MRPL1: variants seen among roughly 807,000 people sequenced by gnomAD.
MRPL1 encodes large ribosomal subunit protein uL1m.
Under a neutral mutation model 38.0 loss-of-function variants are expected in MRPL1, and 28 were observed. The ratio of observed to expected loss-of-function variants is 0.74; its 90% confidence interval spans 0.55 to 1.01. MRPL1 has a LOEUF of 1.01. Ranked by LOEUF, MRPL1 falls within the 50% of genes least tolerant of loss-of-function variation. MRPL1 has a pLI of 0.00. For synonymous variants in MRPL1, 123 were observed against 126.7 expected (o/e 0.97, Z 0.20); for missense variants, 358 against 389.8 (o/e 0.92, Z 0.69).
At chr4:77,934,888 C>T (rs1736929975) in intron 7 of MRPL1, among the ~76,000 whole-genome samples, 1 of 152,132 alleles carries the variant, frequency 6.6e-6, no homozygotes. Flanking sequence ...CATGCATGAA[C>T]CTTGAGAACA....
At chr4:77,909,681 G>A (rs1440815743) in intron 7 of MRPL1, among the ~76,000 whole-genome samples, 1 of 152,048 alleles carries the variant, frequency 6.6e-6, no homozygotes, top group Admixed American at 6.6e-5. Context: ...TTGAGAATAG[G>A]GTTTAGATTT....
rs746071926 is a variant in MRPL1, at chr4:77,952,574, A to G, written c.945A>G (p.Val315=). 5.6e-6 allele frequency: 9 copies of G among 1,611,602 alleles called. No homozygotes were observed. In the South Asian group the frequency reaches 6.6e-5, roughly 12 times the overall value. ...TTGATCCATTGTTGCCTAAAGAAGT[A>G]AAAAATGAAGAAAGTGAAAAAGAAG... is the stretch of plus-strand genomic sequence containing the variant. The part of the protein sequence containing the change: ...LKIDPLLPKE[V]KNEESEKEDA The change falls in exon 9 of 9, where the codon GTA becomes GTG. Residue 315 remains valine, a synonymous_variant. Transcript: ENST00000315567.
At chr4:77,877,739 T>C (rs1351704521) in intron 2 of MRPL1, among the ~76,000 whole-genome samples, 2 of 151,920 alleles carry the variant, frequency 1.3e-5, no homozygotes, top group African/African-American at 4.8e-5. Context: ...GGAAGTTTCC[T>C]AGCCCTTCCC....
intron 4 of MRPL1, among the ~76,000 whole-genome samples, chr4:77,886,084 A>G (rs1735669347): frequency 6.6e-6 from 1 of 152,218 alleles, no homozygotes; most frequent in Non-Finnish European, 1.5e-5. Context: ...GTTTGTTTAT[A>G]ATGTGTTTAT....
At chr4:77,922,255 T>G (rs1276261662) in intron 7 of MRPL1, among the ~76,000 whole-genome samples, 1 of 152,162 alleles carries the variant, frequency 6.6e-6, no homozygotes, top group Non-Finnish European at 1.5e-5. Flanking sequence ...TGAATCATGA[T>G]CCAAAGAAAG....
chr4:77,888,330 C>T (rs1203538605), intron 5 of MRPL1, among the ~76,000 whole-genome samples: 1 of 152,044 alleles, frequency 6.6e-6, no homozygotes, highest in African/African-American at 2.4e-5. Flanking sequence ...CACGGTGAAT[C>T]CCCACCTCTA....
intron 6 of MRPL1, among the ~76,000 whole-genome samples, chr4:77,895,459 A>T (rs4607246): frequency 0.22 from 33,824 of 151,966 alleles, 4,720 homozygotes; most frequent in African/African-American, 0.39. Context: ...AGGGAGTACA[A>T]TTGGGAGGAA....
At chr4:77,883,529 C>G in intron 3 of MRPL1, 29 bp downstream of exon 3, 1 of 1,542,668 alleles carries the variant, frequency 6.5e-7, no homozygotes, top group South Asian at 1.3e-5. Context: ...AATAAGTTTA[C>G]CTGTGAACAG....
intron 6 of MRPL1, among the ~76,000 whole-genome samples, chr4:77,907,500 G>GTC (rs34172391): frequency 7.7e-6 from 1 of 129,512 alleles, no homozygotes; most frequent in South Asian, 2.8e-4. Flanking sequence ...CCCTCCCTCC[G>GTC]TCTCTCTCTC....
chr4:77,886,109 C>T (rs1450171602), intron 4 of MRPL1, among the ~76,000 whole-genome samples: 1 of 151,978 alleles, frequency 6.6e-6, no homozygotes, highest in Non-Finnish European at 1.5e-5. Flanking sequence ...TTTTTTTAAT[C>T]ATCCACAAAC....
rs184788584 is a variant in MRPL1, at chr4:77,935,402, T to C, written c.778-14395T>C. 1.1e-3 allele frequency among the ~76,000 whole-genome samples: 174 copies of C among 152,296 alleles called. 1 individual carries two copies. Among genetic ancestry groups the C allele is most frequent in the African/African-American group, 4.1e-3 (172 of 41,570 alleles). On this transcript the variant is annotated intron_variant, in intron 7 of 8. Transcript: ENST00000315567. ...ATCAACAGTGAAAATAATTCTTTTT[T>C]TTTTCTTTTTGAGACGGAGTCTCGC...
chr4:77,921,305 G>A (rs1312516629), intron 7 of MRPL1, among the ~76,000 whole-genome samples: 1 of 152,134 alleles, frequency 6.6e-6, no homozygotes, highest in Middle Eastern at 3.2e-3. Flanking sequence ...TCACTTTCTA[G>A]TTAGGGTATA....
At chr4:77,942,412 T>G (rs190399220) in intron 7 of MRPL1, among the ~76,000 whole-genome samples, 56 of 152,306 alleles carry the variant, frequency 3.7e-4, no homozygotes, top group Admixed American at 3.1e-3. Context: ...ATCCATTGTT[T>G]CTTTGTTGAC....
chr4:77,920,518 G>A (rs1000032632), intron 7 of MRPL1, among the ~76,000 whole-genome samples: 2 of 152,170 alleles, frequency 1.3e-5, no homozygotes, highest in Non-Finnish European at 2.9e-5. Flanking sequence ...TCATACAGCC[G>A]TAGCTCTAGT....
chr4:77,915,850 A>AG (rs1736412981), intron 7 of MRPL1, among the ~76,000 whole-genome samples: 1 of 152,242 alleles, frequency 6.6e-6, no homozygotes, highest in Non-Finnish European at 1.5e-5. Context: ...CATCATGAAG[A>AG]CAAAACAAGT....
chr4:77,943,910 G>A (rs970801602), intron 7 of MRPL1, among the ~76,000 whole-genome samples: 1 of 151,988 alleles, frequency 6.6e-6, no homozygotes, highest in Non-Finnish European at 1.5e-5. Flanking sequence ...GATCCATTGC[G>A]ATCCATTGCT....
chr4:77,905,034 A>G (rs910787975), intron 6 of MRPL1, among the ~76,000 whole-genome samples: 3 of 152,188 alleles, frequency 2.0e-5, no homozygotes, highest in African/African-American at 4.8e-5. Flanking sequence ...ATGGGTGAAT[A>G]CCCCTAAGAA....
At chr4:77,937,142 A>G (rs1304119168) in intron 7 of MRPL1, among the ~76,000 whole-genome samples, 1 of 151,892 alleles carries the variant, frequency 6.6e-6, no homozygotes, top group African/African-American at 2.4e-5. Context: ...AAAAGAAGAA[A>G]GGTGAATTTA....
intron 6 of MRPL1, among the ~76,000 whole-genome samples, chr4:77,904,021 C>T (rs945889985): frequency 4.6e-5 from 7 of 151,086 alleles, no homozygotes; most frequent in African/African-American, 7.3e-5. Flanking sequence ...CGAGGCAGGA[C>T]GGTTTCGTGA....
Sources: gnomAD v4.1 joint callset for allele counts (sites outside exome capture counted in the v4.1 genomes callset) on GRCh38, gnomAD v4.1.1 for gene constraint, MANE v1.5 for transcripts, NCBI Gene and HGNC (gene_info 2026-07-23, HGNC 2026-07-21) for gene names.